Variants in TBXAS1 observed in about 807,000 individuals in gnomAD.
TBXAS1 encodes thromboxane-A synthase.
Under a neutral mutation model 60.7 loss-of-function variants are expected in TBXAS1, and 48 were observed. The observed-to-expected ratio is 0.79, with a 90% CI of 0.63 to 1.01. The LOEUF is 1.01. Ranked by LOEUF, TBXAS1 falls within the 50% of genes least tolerant of loss-of-function variation. The probability of loss-of-function intolerance (pLI) is 0.00; values close to 1 mark genes in which losing one functional copy is unlikely to be tolerated. For missense variants in TBXAS1, 685 were observed against 686.3 expected, an observed-to-expected ratio of 1.00 and a Z score of 0.02; for synonymous variants, 287 against 269.7, an observed-to-expected ratio of 1.06 and a Z score of -0.63.
rs934106973 is a variant in TBXAS1, at chr7:140,013,867, A to G, written c.1227-1856A>G. ...GGTCCTAAACTACCTCTCACTGTGC[A>G]TCGCAAGTCACTGCCCATCTTCCTG... On this transcript the variant is annotated intron_variant, in intron 10 of 12. Coordinates refer to ENST00000448866, the MANE Select transcript of TBXAS1 (RefSeq NM_001061.7). The surrounding 1 kb of genome is among the most constrained non-coding windows in gnomAD (Gnocchi z 4.2). Among the ~76,000 whole-genome samples the G allele has an allele frequency of 2.0e-5, 3 of 152,236 alleles. No homozygotes were observed. The highest frequency in any genetic ancestry group is 7.2e-5 in the African/African-American group (3 of 41,468).
At chr7:139,791,720 C>G (rs1279241651) in intron 4 of TBXAS1, among the ~76,000 whole-genome samples, 1 of 151,728 alleles carries the variant, frequency 6.6e-6, no homozygotes, top group East Asian at 1.9e-4. Flanking sequence ...CCAGGCCCCG[C>G]ACATCTATTA....
At chr7:139,922,357 C>A (rs1274430536) in intron 4 of TBXAS1, among the ~76,000 whole-genome samples, 1 of 152,040 alleles carries the variant, frequency 6.6e-6, no homozygotes, top group South Asian at 2.1e-4. Flanking sequence ...CCACCTTCAC[C>A]TCCCAAAGTG....
intron 4 of TBXAS1, among the ~76,000 whole-genome samples, chr7:139,818,176 G>T (rs1228346931): frequency 2.6e-5 from 4 of 152,162 alleles, no homozygotes; most frequent in Admixed American, 2.6e-4. Context: ...ATCTCTGGGA[G>T]GCCCTGGAGG....
chr7:139,867,033 C>A (rs1214599748), intron 1 of TBXAS1, among the ~76,000 whole-genome samples: 1 of 152,152 alleles, frequency 6.6e-6, no homozygotes, highest in Non-Finnish European at 1.5e-5. Flanking sequence ...ATAAAGCTTC[C>A]GATGTGGCCA....
At chr7:140,019,545 G>A (rs756875259) in intron 12 of TBXAS1, among the ~76,000 whole-genome samples, 2 of 152,162 alleles carry the variant, frequency 1.3e-5, no homozygotes, top group Admixed American at 6.5e-5. Context: ...GCTCCCACAG[G>A]AGACACGTAC....
At position 140,007,202 on chromosome 7, in the gene TBXAS1, C is replaced by T; in HGVS notation, c.1226+20C>T. The T allele has an allele frequency of 6.2e-7, 1 of 1,612,302 alleles. No individual in the cohort carries two copies. Among genetic ancestry groups the T allele is most frequent in the South Asian group, 1.1e-5 (1 of 91,038 alleles). On this transcript the variant is annotated intron_variant, in intron 10 of 12. Transcript: ENST00000448866. ...TTTCAGGTGTGTGGTAGCCCCCTCCCCTGCCCGAGTCCCCACCTCCTACCC... is the reference window on the plus strand; with the variant it reads ...TTTCAGGTGTGTGGTAGCCCCCTCCTCTGCCCGAGTCCCCACCTCCTACCC...
intron 9 of TBXAS1, among the ~76,000 whole-genome samples, chr7:139,965,924 A>T (rs1356221285): frequency 3.3e-5 from 5 of 149,742 alleles, no homozygotes; most frequent in Admixed American, 1.3e-4. Context: ...AGCTCTGTTA[A>T]TATGGGCCAT....
chr7:139,912,155 TTGAA>T (rs1287436025), intron 4 of TBXAS1, among the ~76,000 whole-genome samples: 1 of 152,116 alleles, frequency 6.6e-6, no homozygotes, highest in African/African-American at 2.4e-5. Context: ...GCTTGAACGC[TTGAA>T]TCTGGGAGGC....
intron 4 of TBXAS1, among the ~76,000 whole-genome samples, chr7:139,801,496 G>T (rs767531208): frequency 6.6e-6 from 1 of 151,016 alleles, no homozygotes; most frequent in Non-Finnish European, 1.5e-5. Flanking sequence ...TGTGAGGCAG[G>T]TTCTTGCTCT....
At chr7:139,789,281 CA>C (rs1444273751) in intron 4 of TBXAS1, 1 of 151,854 alleles carries the variant, frequency 6.6e-6, no homozygotes, top group African/African-American at 2.4e-5. Flanking sequence ...CTCTGTTGCC[CA>C]GGCTGGAGTG....
intron 3 of TBXAS1, among the ~76,000 whole-genome samples, chr7:139,892,618 A>G (rs1345196689): frequency 6.6e-6 from 1 of 151,934 alleles, no homozygotes; most frequent in East Asian, 1.9e-4. Context: ...AACAACAACA[A>G]CAACAAAACA....
chr7:139,937,023 G>A (rs1287093128), intron 5 of TBXAS1, among the ~76,000 whole-genome samples: 3 of 152,068 alleles, frequency 2.0e-5, no homozygotes, highest in Non-Finnish European at 2.9e-5. Flanking sequence ...ACCCAAAACC[G>A]GGTGTTTGTA....
Position 139,842,471 on chromosome 7 carries a change from T to C in TBXAS1, c.89+12992T>C, listed in dbSNP as rs893908358. On this transcript the variant is annotated intron_variant, in intron 1 of 12. Transcript: ENST00000448866. ...CTTGCCACTGAAGGGAAGTACGCGG[T>C]CTATGGGAACCCTGGTAGCCTTATA... Among the ~76,000 whole-genome samples the C allele has an allele frequency of 2.0e-5, 3 of 152,294 alleles. No homozygotes were observed. The East Asian group carries it at 5.8e-4, about 29-fold the overall frequency.
rs765137338 is a variant in TBXAS1 at position 140,017,661 on chromosome 7, G to C, written c.1365-10G>C. 65 of 1,612,314 alleles carry C rather than the reference G, an allele frequency of 4.0e-5. No individual in the cohort carries two copies. The highest frequency in any genetic ancestry group is 5.3e-5 in the Non-Finnish European group (62 of 1,179,598). On this transcript the variant is annotated splice_polypyrimidine_tract_variant and intron_variant, in intron 11 of 12. Transcript: ENST00000448866. ...TGTTCTGGGCCAGCCCTGACCACAC[G>C]GACCTGCAGGTTCACGGCTGAGGCC...
intron 3 of TBXAS1, among the ~76,000 whole-genome samples, chr7:139,897,131 A>G (rs1338677043): frequency 6.6e-6 from 1 of 152,202 alleles, no homozygotes; most frequent in Non-Finnish European, 1.5e-5. Flanking sequence ...ATAAGAAGAC[A>G]AGATGTGTTT....
At chr7:139,788,172 G>A (rs1230898435) in intron 4 of TBXAS1, among the ~76,000 whole-genome samples, 2 of 152,180 alleles carry the variant, frequency 1.3e-5, no homozygotes, top group African/African-American at 4.8e-5. Flanking sequence ...GAAGGTTTAA[G>A]ATTAATGAAA....
At chr7:139,780,682 A>G (rs868230069) in intron 1 of TBXAS1, 2 of 154,258 alleles carry the variant, frequency 1.3e-5, no homozygotes, top group Middle Eastern at 5.1e-4. Context: ...AAAAGTTATT[A>G]TTATTCTAAC....
At chr7:139,978,704 A>G (rs558814629) in intron 9 of TBXAS1, among the ~76,000 whole-genome samples, 9 of 151,352 alleles carry the variant, frequency 5.9e-5, no homozygotes, top group Non-Finnish European at 1.3e-4. Context: ...TTGGGAGGCC[A>G]AGGTGGGAGG....
At chr7:139,867,825 A>ATAAT (rs971083716) in intron 1 of TBXAS1, among the ~76,000 whole-genome samples, 4 of 120,476 alleles carry the variant, frequency 3.3e-5, no homozygotes, top group Non-Finnish European at 7.0e-5. Flanking sequence ...TCGAAAATAA[A>ATAAT]TAATAAATAA....
Sources: allele counts gnomAD v4.1 joint callset (sites outside exome capture counted in the v4.1 genomes callset), GRCh38; gene constraint gnomAD v4.1.1; non-coding constraint Gnocchi (gnomAD v3.1); transcripts MANE v1.5; gene names NCBI Gene and HGNC (gene_info 2026-07-23, HGNC 2026-07-21).